Variants in CSMD1 observed in about 807,000 individuals in gnomAD.
The protein encoded by CSMD1 is CUB and sushi domain-containing protein 1.
CSMD1 carries 213 observed loss-of-function variants against 417.5 expected under a neutral mutation model. That is an observed-to-expected ratio of 0.51 (90% CI 0.46 to 0.57). CSMD1 has a LOEUF of 0.57. Among genes scored for constraint, CSMD1 ranks in the 20% least tolerant of loss-of-function variants. The pLI, the probability that CSMD1 is intolerant of heterozygous loss-of-function variation, is 0.00. For missense variants in CSMD1, 6,923 were observed against 4,529.7 expected (o/e 1.53, Z -15.17); for synonymous variants, 2,862 against 1,736.8 (o/e 1.65, Z -16.11).
chr8:4,748,250 G>A (rs577595353), intron 1 of CSMD1, among the ~76,000 whole-genome samples: 4 of 152,162 alleles, frequency 2.6e-5, no homozygotes, highest in Admixed American at 6.5e-5. Context: ...TCAAGCAACC[G>A]ATTACAATCT....
chr8:3,595,414 G>A (rs928806658), intron 8 of CSMD1, among the ~76,000 whole-genome samples: 1 of 152,100 alleles, frequency 6.6e-6, no homozygotes, highest in African/African-American at 2.4e-5. Flanking sequence ...TTTCATAGCG[G>A]CAATTTTTAG....
Position 3,080,850 on chromosome 8 carries a change from A to T in CSMD1, c.7474+6247T>A, listed in dbSNP as rs537587454. Among the ~76,000 whole-genome samples the T allele has an allele frequency of 3.3e-5, 5 of 152,236 alleles. No homozygotes were observed. The East Asian group carries it at 9.6e-4, about 29-fold the overall frequency. ...CCTGGCCTTTTGGGGGCTACTTTGGAGGGGGATGGCCCTCACAATGTATCC... is the reference window on the plus strand; with the variant it reads ...CCTGGCCTTTTGGGGGCTACTTTGGTGGGGGATGGCCCTCACAATGTATCC... On this transcript the variant is annotated intron_variant, in intron 49 of 69. Coordinates refer to ENST00000635120, the MANE Select transcript of CSMD1 (RefSeq NM_033225.6).
intron 1 of CSMD1, among the ~76,000 whole-genome samples, chr8:4,656,261 TAGA>T (rs1178902322): frequency 6.6e-6 from 1 of 151,922 alleles, no homozygotes; most frequent in Non-Finnish European, 1.5e-5. Context: ...CAGGGGGCAG[TAGA>T]AGAAGCCAGT....
intron 1 of CSMD1, among the ~76,000 whole-genome samples, chr8:4,918,738 T>A (rs1263182792): frequency 6.6e-6 from 1 of 152,218 alleles, no homozygotes; most frequent in African/African-American, 2.4e-5. Context: ...TTCCAGTAAT[T>A]AATTTCCACA....
intron 1 of CSMD1, among the ~76,000 whole-genome samples, chr8:4,839,954 G>C (rs1476835861): frequency 6.6e-6 from 1 of 152,164 alleles, no homozygotes; most frequent in African/African-American, 2.4e-5. Context: ...GAGACCAAAA[G>C]TCTTCAGTGT....
rs1399864880 is a variant in CSMD1, at chr8:3,762,093, CCACT to C, written c.819-8055_819-8052del. 2.6e-5 allele frequency among the ~76,000 whole-genome samples: 4 copies of C among 152,232 alleles called. No individual in the cohort carries two copies. The East Asian group carries it at 7.8e-4, about 30-fold the overall frequency. On this transcript the variant is annotated intron_variant, in intron 5 of 69. Coordinates refer to ENST00000635120, the MANE Select transcript of CSMD1 (RefSeq NM_033225.6). ...ATAATTTCTAGTCTCCTGAGCCCTCCCACTCACTCCAGCTTGGCTCATTCTGCTT... is the reference window on the plus strand; with the variant it reads ...ATAATTTCTAGTCTCCTGAGCCCTCCCACTCCAGCTTGGCTCATTCTGCTT...
At chr8:3,512,237 A>G (rs988702755) in intron 10 of CSMD1, among the ~76,000 whole-genome samples, 2 of 152,238 alleles carry the variant, frequency 1.3e-5, no homozygotes, top group African/African-American at 4.8e-5. Context: ...GTCCACGTGC[A>G]GAACCATGCT....
chr8:4,584,088 G>A (rs534580488), intron 2 of CSMD1, among the ~76,000 whole-genome samples: 8 of 151,836 alleles, frequency 5.3e-5, no homozygotes, highest in African/African-American at 1.2e-4. Context: ...GCAAGACCAC[G>A]AACCCACTAG....
chr8:3,602,226 C>G (rs1801397882), intron 8 of CSMD1, among the ~76,000 whole-genome samples: 3 of 152,184 alleles, frequency 2.0e-5, no homozygotes, highest in South Asian at 2.1e-4. Context: ...ACCAATTAAA[C>G]CAGAACCTTC....
chr8:4,535,053 G>A (rs562284544), intron 2 of CSMD1, among the ~76,000 whole-genome samples: 3 of 152,254 alleles, frequency 2.0e-5, no homozygotes, highest in South Asian at 4.2e-4. Flanking sequence ...GAGCCACCAC[G>A]CCTGGCCAAT....
At chr8:4,208,338 T>C (rs549506662) in intron 3 of CSMD1, among the ~76,000 whole-genome samples, 1 of 152,178 alleles carries the variant, frequency 6.6e-6, no homozygotes, top group African/African-American at 2.4e-5. Context: ...CAGGTCTTAT[T>C]TGAATCCTTC....
rs564887289 is a variant in CSMD1, at chr8:4,244,992, G to A, written c.415+174961C>T. Among the ~76,000 whole-genome samples, 30 of 152,166 alleles carry A rather than the reference G, an allele frequency of 2.0e-4. No homozygotes were observed. In the East Asian group the frequency reaches 2.1e-3, roughly 11 times the overall value. ...CAAAAGCCTGGAGTGGAAGTAAATC[G>A]ACAAACATCAAAAAGAATCACATAC... On this transcript the variant is annotated intron_variant, in intron 3 of 69. Coordinates refer to ENST00000635120, the MANE Select transcript of CSMD1 (RefSeq NM_033225.6).
At chr8:4,051,790 T>C (rs533132886) in intron 3 of CSMD1, among the ~76,000 whole-genome samples, 3 of 152,346 alleles carry the variant, frequency 2.0e-5, no homozygotes, top group South Asian at 2.1e-4. Flanking sequence ...CCAGGTGTGA[T>C]GGACACCATA....
chr8:3,688,081 G>T (rs1563274010), intron 7 of CSMD1, among the ~76,000 whole-genome samples: 2 of 152,188 alleles, frequency 1.3e-5, no homozygotes, highest in Admixed American at 6.5e-5. Flanking sequence ...AGGAAGTTCA[G>T]CAGGCTGGAA....
intron 5 of CSMD1, among the ~76,000 whole-genome samples, chr8:3,798,585 A>C (rs1800290846): frequency 6.6e-6 from 1 of 152,110 alleles, no homozygotes; most frequent in African/African-American, 2.4e-5. Flanking sequence ...ATGAAAAGGC[A>C]ATTATAAATA....
At chr8:4,128,775 A>G (rs1315743879) in intron 3 of CSMD1, among the ~76,000 whole-genome samples, 4 of 152,034 alleles carry the variant, frequency 2.6e-5, no homozygotes, top group African/African-American at 9.7e-5. Context: ...ACACACCATC[A>G]ACTCATCCTT....
chr8:4,883,200 C>A (rs545143647), intron 1 of CSMD1, among the ~76,000 whole-genome samples: 1 of 152,146 alleles, frequency 6.6e-6, no homozygotes, highest in Admixed American at 6.5e-5. Context: ...GCTAGCAGAA[C>A]ATGACGTCTA....
rs185470122 is a variant in CSMD1, at chr8:3,434,351, G to C, written c.1562-24746C>G. 1.4e-4 allele frequency among the ~76,000 whole-genome samples: 22 copies of C among 152,216 alleles called. No homozygotes were observed. In the East Asian group the frequency reaches 1.9e-3, roughly 13 times the overall value. On this transcript the variant is annotated intron_variant, in intron 12 of 69. Transcript: ENST00000635120. ...TCCTATATGTAATACCAAAATTAAA[G>C]ATCAAGGTGATTTTATGACTTTTCC...
chr8:4,277,960 G>A (rs1340144932), intron 3 of CSMD1, among the ~76,000 whole-genome samples: 2 of 152,018 alleles, frequency 1.3e-5, no homozygotes, highest in Non-Finnish European at 2.9e-5. Flanking sequence ...ATGCTGGCCA[G>A]GCTGGTCTTG....
Sources: gnomAD v4.1 joint callset for allele counts (sites outside exome capture counted in the v4.1 genomes callset) on GRCh38, gnomAD v4.1.1 for gene constraint, MANE v1.5 for transcripts, NCBI Gene and HGNC (gene_info 2026-07-23, HGNC 2026-07-21) for gene names.